The following CPS1 variants were observed in gnomAD, a reference collection of about 807,000 sequenced individuals.
CPS1 encodes carbamoyl-phosphate synthase [ammonia], mitochondrial.
A neutral mutation model predicts 174.6 loss-of-function variants in CPS1; 109 were observed. The observed-to-expected ratio is 0.62, with a 90% CI of 0.53 to 0.73. The LOEUF (loss-of-function observed/expected upper bound fraction) is 0.73. Ranked by LOEUF, CPS1 falls within the 30% of genes least tolerant of loss-of-function variation. The probability of loss-of-function intolerance (pLI) is 0.00; values close to 1 mark genes in which losing one functional copy is unlikely to be tolerated. For synonymous variants in CPS1, 637 were observed against 632.0 expected (o/e 1.01, Z -0.12); for missense variants, 1,689 against 1,821.9 (o/e 0.93, Z 1.33).
intron 1 of CPS1, among the ~76,000 whole-genome samples, chr2:210,567,122 C>A (rs188783482): frequency 6.6e-6 from 1 of 152,064 alleles, no homozygotes; most frequent in Non-Finnish European, 1.5e-5. Context: ...GGTCAATCTA[C>A]GTCTACCAGA....
chr2:210,605,041 T>A, intron 16 of CPS1, 61 bp from the exon 17 acceptor site: 1 of 1,598,182 alleles, frequency 6.3e-7, no homozygotes, highest in South Asian at 1.1e-5. Context: ...TTTTGCCAAA[T>A]ATCCTTGTTG....
chr2:210,636,863 C>T (rs188752991), intron 21 of CPS1, among the ~76,000 whole-genome samples: 11 of 152,152 alleles, frequency 7.2e-5, no homozygotes, highest in Admixed American at 1.3e-4. Context: ...ATAAAGTCTA[C>T]GCTATGGAAA....
At chr2:210,642,121 T>A (rs1235382349) in intron 24 of CPS1, among the ~76,000 whole-genome samples, 1 of 152,220 alleles carries the variant, frequency 6.6e-6, no homozygotes, top group African/African-American at 2.4e-5. Flanking sequence ...ACTATTTTTG[T>A]GTATTGAGGT....
intron 1 of CPS1, among the ~76,000 whole-genome samples, chr2:210,481,099 G>A (rs1281139971): frequency 6.6e-6 from 1 of 152,204 alleles, no homozygotes; most frequent in South Asian, 2.1e-4. Context: ...TGCTGGGTGA[G>A]AGCTGCTATT....
chr2:210,514,790 T>TA (rs1695631248), intron 1 of CPS1, among the ~76,000 whole-genome samples: 2 of 151,304 alleles, frequency 1.3e-5, no homozygotes, highest in African/African-American at 2.4e-5. Flanking sequence ...TGCTTCTTTT[T>TA]TTTTTTTTGG....
intron 28 of CPS1, among the ~76,000 whole-genome samples, chr2:210,652,854 GA>G (rs1322689654): frequency 6.6e-6 from 1 of 152,142 alleles, no homozygotes; most frequent in Admixed American, 6.6e-5. Flanking sequence ...AGAGAGTATA[GA>G]AGAAAAGGAA....
intron 19 of CPS1, 147 bp from the exon 20 acceptor site, chr2:210,611,969 AC>A: frequency 1.7e-6 from 1 of 590,738 alleles, no homozygotes; most frequent in Non-Finnish European, 2.7e-6. Flanking sequence ...AAAAAGGAAC[AC>A]CTTTTTTTTT....
At chr2:210,587,516 A>T (rs1233781077) in intron 6 of CPS1, among the ~76,000 whole-genome samples, 1 of 152,058 alleles carries the variant, frequency 6.6e-6, no homozygotes, top group African/African-American at 2.4e-5. Context: ...TTGCACGGCA[A>T]CCTAAAGGGA....
intron 1 of CPS1, among the ~76,000 whole-genome samples, chr2:210,558,776 G>A (rs1488245654): frequency 6.6e-6 from 1 of 152,012 alleles, no homozygotes; most frequent in Non-Finnish European, 1.5e-5. Context: ...CGACAAAATG[G>A]TCTAATTATG....
rs1695561332 is a variant in CPS1 at position 210,512,996 on chromosome 2, ATG to A, written c.3+35231_3+35232del. Among the ~76,000 whole-genome samples the A allele has an allele frequency of 7.2e-5, 2 of 27,614 alleles. 1 individual carries two copies. Among genetic ancestry groups the A allele is most frequent in the South Asian group, 3.9e-3 (2 of 512 alleles). 18.1% of individuals were successfully genotyped at this position (27,614 alleles called of 152,430 possible). ...TATATATATATGGAGAGATATATATATGGAGATATATATATATCTATATATCT... is the reference window on the plus strand; with the variant it reads ...TATATATATATGGAGAGATATATATAGAGATATATATATATCTATATATCT... On this transcript the variant is annotated intron_variant, in intron 1 of 38. Transcript: ENST00000430249.
At chr2:210,525,237 A>G (rs183991451) in intron 1 of CPS1, among the ~76,000 whole-genome samples, 35 of 151,984 alleles carry the variant, frequency 2.3e-4, no homozygotes, top group Admixed American at 1.4e-3. Context: ...CTTAGTATAT[A>G]TAAGCATATA....
rs772576138 is a variant in CPS1, at chr2:210,577,459, C to A, written c.420C>A (p.Tyr140Ter). The A allele has an allele frequency of 1.2e-6, 2 of 1,613,738 alleles. No homozygotes were observed. The highest frequency in any genetic ancestry group is 1.7e-6 in the Non-Finnish European group (2 of 1,179,880). Residue 140 changes from tyrosine to a stop codon, truncating the protein, a stop_gained, in exon 4 of 38, where the codon TAC becomes TAA. Coordinates refer to ENST00000233072, the MANE Select transcript of CPS1 (RefSeq NM_001875.5). LOFTEE classifies it high-confidence loss of function. ...TGGTGCTGGATTATAGTAAAGACTA[C>A]AACCACTGGCTGGCTACCAAGAGTT... is the stretch of plus-strand genomic sequence containing the variant. ...GLLVLDYSKD[Y>*]NHWLATKSLG...
intron 1 of CPS1, among the ~76,000 whole-genome samples, chr2:210,511,302 G>T (rs534494275): frequency 1.3e-5 from 2 of 152,136 alleles, no homozygotes; most frequent in South Asian, 4.1e-4. Flanking sequence ...AACACCGCAT[G>T]TTCTTACTCA....
At chr2:210,638,779 A>ATT (rs1431168828) in intron 22 of CPS1, among the ~76,000 whole-genome samples, 3 of 152,198 alleles carry the variant, frequency 2.0e-5, no homozygotes, top group Non-Finnish European at 4.4e-5. Flanking sequence ...TTTGCAAGCC[A>ATT]AAGAGATCCT....
intron 1 of CPS1, among the ~76,000 whole-genome samples, chr2:210,528,569 CT>C (rs1431160897): frequency 6.6e-6 from 1 of 151,806 alleles, no homozygotes; most frequent in Non-Finnish European, 1.5e-5. Flanking sequence ...CAAAGAAGGG[CT>C]GGATTAACCA....
At position 210,503,752 on chromosome 2, in the gene CPS1, T is replaced by C. The variant is rs184928775; in HGVS notation, c.3+25986T>C. On this transcript the variant is annotated intron_variant, in intron 1 of 38. Transcript: ENST00000430249. ...CAGGAGACTTCCTCTGCAATGTTGT[T>C]TGTTCATAGCAGCTGTGGTAGCACC... Among the ~76,000 whole-genome samples the C allele has an allele frequency of 3.4e-3, 516 of 152,324 alleles. 3 individuals are homozygous for C. The highest frequency in any genetic ancestry group is 0.011 in the South Asian group (53 of 4,824).
chr2:210,652,094 A>G (rs762012794), intron 28 of CPS1, among the ~76,000 whole-genome samples: 1 of 152,148 alleles, frequency 6.6e-6, no homozygotes, highest in Non-Finnish European at 1.5e-5. Context: ...TTCAGAATTA[A>G]CTGGGCAAAT....
rs1574632625 is a variant in CPS1 at position 210,642,632 on chromosome 2, C to T, written c.3108C>T (p.Ser1036=). 2 of 1,613,564 alleles carry T rather than the reference C, an allele frequency of 1.2e-6. No homozygotes were observed. ...ECDKLYFEEL[S]LERILDIYHQ... Reference sequence around the variant, plus strand: ...ACAAACTGTACTTTGAAGAGTTGTCCTTGGAGAGAATCCTAGACATCTACC... The same window carrying T: ...ACAAACTGTACTTTGAAGAGTTGTCTTTGGAGAGAATCCTAGACATCTACC... The change falls in exon 25 of 38, where the codon TCC becomes TCT. Residue 1036 remains serine, a synonymous_variant. Transcript: ENST00000233072.
chr2:210,526,381 T>A (rs1695973428), intron 1 of CPS1, among the ~76,000 whole-genome samples: 1 of 147,340 alleles, frequency 6.8e-6, no homozygotes, highest in Non-Finnish European at 1.5e-5. Context: ...TAAAATATAT[T>A]AAAAAAAAAA....
Sources: allele counts gnomAD v4.1 joint callset (sites outside exome capture counted in the v4.1 genomes callset), GRCh38; gene constraint gnomAD v4.1.1; transcripts MANE v1.5; gene names NCBI Gene and HGNC (gene_info 2026-07-23, HGNC 2026-07-21).